Variants in PEX5 observed in about 807,000 individuals in gnomAD.
PEX5 encodes peroxisomal biogenesis factor 5.
Under a neutral mutation model 82.9 loss-of-function variants are expected in PEX5, and 52 were observed. That is an observed-to-expected ratio of 0.63 (90% confidence interval 0.50 to 0.79). PEX5 has a LOEUF of 0.79. Ranked by LOEUF, PEX5 falls within the 30% of genes least tolerant of loss-of-function variation. The probability of loss-of-function intolerance (pLI) is 0.00; values close to 1 mark genes in which losing one functional copy is unlikely to be tolerated. For synonymous variants in PEX5, 300 were observed against 318.8 expected (o/e 0.94, Z 0.63); for missense variants, 719 against 815.2 (o/e 0.88, Z 1.44).
downstream of PEX5, among the ~76,000 whole-genome samples, chr12:7,215,279 G>GGACTT (rs1417527626): frequency 6.6e-6 from 1 of 152,086 alleles, no homozygotes; most frequent in Non-Finnish European, 1.5e-5. Context: ...AGAGAGAAGG[G>GGACTT]GACTTATACT....
At chr12:7,200,389 G>T (rs1230422421) in intron 6 of PEX5, among the ~76,000 whole-genome samples, 1 of 148,452 alleles carries the variant, frequency 6.7e-6, no homozygotes, top group African/African-American at 2.5e-5. Flanking sequence ...GGGCAGAGAC[G>T]CTCCTCACTT....
chr12:7,198,645 A>C (rs1174610481), intron 5 of PEX5, among the ~76,000 whole-genome samples: 1 of 152,150 alleles, frequency 6.6e-6, no homozygotes, highest in East Asian at 1.9e-4. Context: ...TTCACTCCTT[A>C]CTGGCTCCCT....
Position 7,201,855 on chromosome 12 carries a change from C to T in PEX5, c.642+14C>T, listed in dbSNP as rs1591754256. On this transcript the variant is annotated intron_variant, in intron 7 of 15. Transcript: ENST00000675855. ...GCTAATTCTGAGGTGAGCCACATCCCTCTGCTGCTTTGCCCAGCAGAGCTG... is the reference window on the plus strand; with the variant it reads ...GCTAATTCTGAGGTGAGCCACATCCTTCTGCTGCTTTGCCCAGCAGAGCTG... 1.3e-6 allele frequency: 2 copies of T among 1,586,896 alleles called. No homozygotes were observed. Among genetic ancestry groups the T allele is most frequent in the Non-Finnish European group, 1.7e-6 (2 of 1,155,488 alleles).
chr12:7,212,561 T>C (rs1945650582), downstream of PEX5, among the ~76,000 whole-genome samples: 1 of 151,860 alleles, frequency 6.6e-6, no homozygotes, highest in African/African-American at 2.4e-5. Flanking sequence ...AATATAGCTA[T>C]TGCTATTTAA....
chr12:7,190,027 C>T (rs1254148151), intron 1 of PEX5: 11 of 1,503,680 alleles, frequency 7.3e-6, no homozygotes, highest in Non-Finnish European at 9.7e-6. Context: ...GGCAGTGTCG[C>T]CGTCCAGCCT....
At chr12:7,192,024 A>G (rs910224555) in intron 5 of PEX5, among the ~76,000 whole-genome samples, 12 of 152,220 alleles carry the variant, frequency 7.9e-5, no homozygotes, top group Middle Eastern at 3.2e-3. Flanking sequence ...AGTATTCACT[A>G]CAGCACCTGG....
chr12:7,207,606 G>A (rs1291413785), intron 10 of PEX5, 53 bp from the exon 11 acceptor site: 16 of 1,592,972 alleles, frequency 1.0e-5, no homozygotes, highest in East Asian at 2.2e-5. Context: ...TCACATCCCT[G>A]CTGTTCTGAC....
intron 5 of PEX5, among the ~76,000 whole-genome samples, chr12:7,195,835 T>C (rs1049157528): frequency 2.0e-5 from 3 of 151,122 alleles, no homozygotes; most frequent in Non-Finnish European, 4.4e-5. Context: ...TTAAAGTCTC[T>C]TTGAGTATTA....
rs113517645 is a variant in PEX5, at chr12:7,201,135, GCACACACACA to G, written c.552-612_552-603del. Among the ~76,000 whole-genome samples, 59 of 121,768 alleles carry G rather than the reference GCACACACACA, an allele frequency of 4.8e-4. 1 individual carries two copies. In the East Asian group the frequency reaches 0.012, roughly 25 times the overall value. The allele number at this position is 121,768 out of a possible 152,430, so 79.9% of individuals were successfully genotyped here. A position where few individuals can be genotyped will look rare whatever the true frequency, so the allele number is the denominator to read the frequency against. On this transcript the variant is annotated intron_variant, in intron 6 of 15. Transcript: ENST00000675855. ...ACCAAAAGCGCATGCATGTGTGCGTGCACACACACACACGCACACACATATATACACACAT... is the reference window on the plus strand; with the variant it reads ...ACCAAAAGCGCATGCATGTGTGCGTGCACGCACACACATATATACACACAT...
chr12:7,201,877 G>A, intron 7 of PEX5, 36 bp downstream of exon 7: 1 of 1,491,900 alleles, frequency 6.7e-7, no homozygotes, highest in Non-Finnish European at 9.4e-7. Context: ...GCCCAGCAGA[G>A]CTGGTTTTGG....
chr12:7,190,313 G>C, intron 1 of PEX5, 49 bp from the exon 2 acceptor site: 3 of 1,607,064 alleles, frequency 1.9e-6, no homozygotes, highest in Non-Finnish European at 2.6e-6. Context: ...GTGGATGTGA[G>C]AAGGGTCTGG....
chr12:7,196,523 A>T (rs373148202), intron 5 of PEX5, among the ~76,000 whole-genome samples: 4 of 88,636 alleles, frequency 4.5e-5, no homozygotes, highest in East Asian at 5.9e-4. Flanking sequence ...ATAATGTAAT[A>T]ATTATATATG....
At chr12:7,217,850 C>A (rs1945821492) in intron 17 of PEX5, among the ~76,000 whole-genome samples, 1 of 152,328 alleles carries the variant, frequency 6.6e-6, no homozygotes, top group African/African-American at 2.4e-5. Context: ...CCTGTACATT[C>A]CTCCCCTCCC....
chr12:7,209,398 G>A (rs1945236292), intron 14 of PEX5, among the ~76,000 whole-genome samples: 1 of 152,048 alleles, frequency 6.6e-6, no homozygotes, highest in African/African-American at 2.4e-5. Context: ...GGAGTCTTGG[G>A]GTATTTCATT....
At chr12:7,191,507 T>C (rs1941110958) in intron 4 of PEX5, 62 bp from the exon 5 acceptor site, 1 of 1,606,164 alleles carries the variant, frequency 6.2e-7, no homozygotes, top group Non-Finnish European at 8.5e-7. Flanking sequence ...TTCAGGGTTC[T>C]TTAGGCATGA....
Position 7,202,256 on chromosome 12 carries a change from C to A in PEX5, c.658C>A (p.Arg220=). 6.2e-7 allele frequency: 1 copy of A among 1,614,026 alleles called. No individual in the cohort carries two copies. The highest frequency in any genetic ancestry group is 8.5e-7 in the Non-Finnish European group (1 of 1,180,018). ...LANSEFLKFV[R]QIGEGQVSLE... ...TGTGCCCCAGTTCCTGAAATTCGTG[C>A]GGCAGATTGGCGAAGGGCAGGTGTC... The change falls in exon 8 of 16, where the codon CGG becomes AGG. Residue 220 remains arginine (R), a synonymous_variant. Transcript: ENST00000675855.
At chr12:7,198,842 A>C (rs1943207621) in intron 5 of PEX5, among the ~76,000 whole-genome samples, 169 bp from the exon 6 acceptor site, 1 of 152,160 alleles carries the variant, frequency 6.6e-6, no homozygotes, top group South Asian at 2.1e-4. Context: ...GAGGATGTTG[A>C]AAATTTAGTA....
In PEX5 at chr12:7,210,295, A is replaced by G. The variant is rs746840814; in HGVS notation, c.*72A>G. 183 of 1,462,504 alleles carry G rather than the reference A, an allele frequency of 1.3e-4. No individual in the cohort carries two copies. The highest frequency in any genetic ancestry group is 1.6e-4 in the Non-Finnish European group (170 of 1,047,686). The allele number at this position is 1,462,504 out of a possible 1,614,324, so 90.6% of individuals were successfully genotyped here. A position where few individuals can be genotyped will look rare whatever the true frequency, so the allele number is the denominator to read the frequency against. On this transcript the variant is annotated 3_prime_UTR_variant, in exon 16 of 16. Coordinates refer to ENST00000675855, the MANE Select transcript of PEX5 (RefSeq NM_001351132.2). ...CTTTGGATGTGATTCCCTCTCCCCA[A>G]ATGGGCCTACCAAGGGGGCGGGCTG... is the stretch of plus-strand genomic sequence containing the variant.
intron 5 of PEX5, among the ~76,000 whole-genome samples, chr12:7,195,544 A>G (rs1419996327): frequency 6.6e-6 from 1 of 151,410 alleles, no homozygotes; most frequent in African/African-American, 2.4e-5. Flanking sequence ...TTTTTCTTAA[A>G]CTGCCTCATA....
Sources: allele counts gnomAD v4.1 joint callset (sites outside exome capture counted in the v4.1 genomes callset), GRCh38; gene constraint gnomAD v4.1.1; transcripts MANE v1.5; gene names NCBI Gene and HGNC (gene_info 2026-07-23, HGNC 2026-07-21).